The following DCLK2 variants were observed in gnomAD, a reference collection of about 807,000 sequenced individuals.
DCLK2 encodes serine/threonine-protein kinase DCLK2.
DCLK2 carries 31 observed loss-of-function variants against 78.4 expected under a neutral mutation model. That is an observed-to-expected ratio of 0.40 (90% CI 0.30 to 0.53). The LOEUF (loss-of-function observed/expected upper bound fraction) is 0.53, where lower values mean the gene tolerates loss of function less well. Among genes scored for constraint, DCLK2 ranks in the 20% least tolerant of loss-of-function variants. The pLI is 0.61. For missense variants in DCLK2, 872 were observed against 973.7 expected (o/e 0.90, Z 1.39); for synonymous variants, 407 against 374.9 (o/e 1.09, Z -0.99).
At chr4:150,246,046 T>TC (rs879647702) in intron 12 of DCLK2, among the ~76,000 whole-genome samples, 53 of 106,028 alleles carry the variant, frequency 5.0e-4, no homozygotes, top group Non-Finnish European at 8.8e-4. Context: ...CAAACTCTAC[T>TC]CTTTTTTTTT....
At chr4:150,129,634 C>T (rs771731908) in intron 2 of DCLK2, among the ~76,000 whole-genome samples, 2 of 151,908 alleles carry the variant, frequency 1.3e-5, no homozygotes, top group Admixed American at 6.6e-5. Context: ...GCAGGAAAAT[C>T]GCTTGAACCC....
Position 150,134,220 on chromosome 4 carries a change from A to G in DCLK2, c.756+31408A>G, listed in dbSNP as rs190654959. Among the ~76,000 whole-genome samples, 1,347 of 151,032 alleles carry G rather than the reference A, an allele frequency of 8.9e-3. 5 individuals are homozygous for G. The highest frequency in any genetic ancestry group is 0.014 in the Non-Finnish European group (962 of 67,790). On this transcript the variant is annotated intron_variant, in intron 2 of 15. Transcript: ENST00000296550. Reference sequence around the variant, plus strand: ...CTCAGCCTCCCAAGTAGCTGGGATTACAGGCACCCGCCACTACGCCCAGCT... The same window carrying G: ...CTCAGCCTCCCAAGTAGCTGGGATTGCAGGCACCCGCCACTACGCCCAGCT...
At chr4:150,193,089 C>T (rs1200605960) in intron 2 of DCLK2, 49 bp from the exon 3 acceptor site, 1 of 1,126,620 alleles carries the variant, frequency 8.9e-7, no homozygotes, top group Admixed American at 2.0e-5. Flanking sequence ...CTTTTCATTT[C>T]ACTTCTAATG....
At chr4:150,229,250 C>G (rs1250996442) in intron 8 of DCLK2, among the ~76,000 whole-genome samples, 2 of 152,086 alleles carry the variant, frequency 1.3e-5, no homozygotes, top group South Asian at 4.1e-4. Flanking sequence ...ATTGCTTGAG[C>G]CTGGGAGGTT....
chr4:150,197,778 G>A lies in DCLK2; in HGVS notation c.860-224G>A, dbSNP rs138797262. On this transcript the variant is annotated intron_variant, in intron 3 of 15. Coordinates refer to ENST00000296550, the MANE Select transcript of DCLK2 (RefSeq NM_001040260.4). ...CATTGCACTCCAGCCTGGGAAACGG[G>A]AACAAAACTCCATCTCAAGAGAGAA... 3.8e-3 allele frequency among the ~76,000 whole-genome samples: 557 copies of A among 147,870 alleles called. 3 individuals are homozygous for A. Among genetic ancestry groups the A allele is most frequent in the African/African-American group, 0.013 (538 of 40,052 alleles).
At chr4:150,229,728 T>C (rs926172262) in intron 8 of DCLK2, among the ~76,000 whole-genome samples, 1 of 152,192 alleles carries the variant, frequency 6.6e-6, no homozygotes, top group African/African-American at 2.4e-5. Context: ...TGTCATTTAC[T>C]CTCACTCAGA....
In DCLK2 at chr4:150,239,755, C is replaced by G. The variant is rs780412906; in HGVS notation, c.1580C>G (p.Pro527Arg). ...KPENLLVCEY[P>R]DGTKSLKLGD... ...TTTCTGTTTCAGGTGTGTGAATATCCTGATGGAACCAAGTCTTTGAAACTG... is the reference window on the plus strand; with the variant it reads ...TTTCTGTTTCAGGTGTGTGAATATCGTGATGGAACCAAGTCTTTGAAACTG... The change falls in exon 11 of 16, where the codon CCT (proline) becomes CGT (arginine). Residue 527 changes from proline (P) to arginine (R), a missense_variant. Around this residue, in one of 3 missense-constraint regions of DCLK2, gnomAD observed 86 missense variants for 150.3 expected, o/e 0.57. Coordinates refer to ENST00000296550, the MANE Select transcript of DCLK2 (RefSeq NM_001040260.4). 1.2e-6 allele frequency: 2 copies of G among 1,614,044 alleles called. No homozygotes were observed. Among genetic ancestry groups the G allele is most frequent in the Non-Finnish European group, 1.7e-6 (2 of 1,179,984 alleles).
intron 2 of DCLK2, among the ~76,000 whole-genome samples, chr4:150,147,911 A>G (rs1029361118): frequency 1.3e-5 from 2 of 152,248 alleles, no homozygotes; most frequent in Non-Finnish European, 2.9e-5. Context: ...ATATTTGTCA[A>G]ATAATGAATA....
At chr4:150,223,232 G>T (rs1045085092) in intron 7 of DCLK2, among the ~76,000 whole-genome samples, 2 of 152,148 alleles carry the variant, frequency 1.3e-5, no homozygotes, top group African/African-American at 4.8e-5. Context: ...GAAATCTGAG[G>T]CAGGATTTAG....
intron 2 of DCLK2, among the ~76,000 whole-genome samples, chr4:150,136,872 A>G (rs560269907): frequency 2.6e-4 from 39 of 152,216 alleles, no homozygotes; most frequent in African/African-American, 9.1e-4. Context: ...AATTTGATGA[A>G]TGCTGCTGGT....
chr4:150,230,708 G>A (rs1326373101), intron 8 of DCLK2, among the ~76,000 whole-genome samples: 4 of 152,190 alleles, frequency 2.6e-5, no homozygotes, highest in Admixed American at 2.6e-4. Flanking sequence ...CAAGTCTTTT[G>A]TCTTTGCAAC....
chr4:150,102,656 T>C lies in DCLK2; in HGVS notation c.600T>C (p.Thr200=), dbSNP rs747097130. The C allele has an allele frequency of 1.2e-6, 2 of 1,614,162 alleles. No individual in the cohort carries two copies. Among genetic ancestry groups the C allele is most frequent in the East Asian group, 2.2e-5 (1 of 44,882 alleles). ...ATTTCATCAAACCCAAGTTAGTGACTGTGATTCGAAGTGGAGTGAAGCCTA... is the reference window on the plus strand; with the variant it reads ...ATTTCATCAAACCCAAGTTAGTGACCGTGATTCGAAGTGGAGTGAAGCCTA... ...SKDFIKPKLV[T]VIRSGVKPRK... is the part of the protein sequence containing the mutation. The change falls in exon 2 of 16, where the codon ACT becomes ACC. Residue 200 remains threonine, a synonymous_variant. Transcript: ENST00000296550.
intron 4 of DCLK2, among the ~76,000 whole-genome samples, chr4:150,200,426 GA>G (rs1739367506): frequency 1.3e-5 from 2 of 152,180 alleles, no homozygotes; most frequent in African/African-American, 4.8e-5. Context: ...CCCAAAGCCT[GA>G]GTCAACCACT....
At chr4:150,244,002 A>G (rs1202775403) in intron 12 of DCLK2, among the ~76,000 whole-genome samples, 1 of 151,772 alleles carries the variant, frequency 6.6e-6, no homozygotes, top group African/African-American at 2.4e-5. Flanking sequence ...TGGTGCAATC[A>G]TAGCTCACTG....
intron 2 of DCLK2, among the ~76,000 whole-genome samples, chr4:150,184,844 G>A (rs1340147737): frequency 2.6e-5 from 4 of 151,838 alleles, no homozygotes; most frequent in Non-Finnish European, 4.4e-5. Flanking sequence ...CTCATGATCC[G>A]CCCGCCTCAG....
chr4:150,179,861 T>A (rs1326036323), intron 2 of DCLK2, among the ~76,000 whole-genome samples: 9 of 152,196 alleles, frequency 5.9e-5, no homozygotes, highest in Admixed American at 5.9e-4. Context: ...TTTGAAGATA[T>A]CAATTTCCAA....
chr4:150,146,164 C>T (rs1734455522), intron 2 of DCLK2, among the ~76,000 whole-genome samples: 1 of 152,162 alleles, frequency 6.6e-6, no homozygotes, highest in Non-Finnish European at 1.5e-5. Context: ...AAGTAATTTA[C>T]TATGACAAGA....
intron 1 of DCLK2, among the ~76,000 whole-genome samples, chr4:150,091,721 C>T (rs1730086676): frequency 6.6e-6 from 1 of 151,382 alleles, no homozygotes; most frequent in Non-Finnish European, 1.5e-5. Flanking sequence ...GTTAAAATTT[C>T]CACCTACATA....
chr4:150,167,867 A>G (rs1442914619), intron 2 of DCLK2, among the ~76,000 whole-genome samples: 1 of 152,162 alleles, frequency 6.6e-6, no homozygotes, highest in Non-Finnish European at 1.5e-5. Context: ...ACCTTCCTCT[A>G]GGAATGCTAG....
Sources: allele counts gnomAD v4.1 joint callset (sites outside exome capture counted in the v4.1 genomes callset), GRCh38; gene constraint gnomAD v4.1.1; regional missense constraint gnomAD v4.1.1; transcripts MANE v1.5; gene names NCBI Gene and HGNC (gene_info 2026-07-23, HGNC 2026-07-21).